TTN: variants seen among roughly 807,000 people sequenced by gnomAD.
TTN encodes the protein connectin.
In TTN, 1,525 loss-of-function variants were observed where a neutral mutation model predicts 3,223.0. The ratio of observed to expected loss-of-function variants is 0.47; its 90% CI spans 0.45 to 0.49. The LOEUF is 0.49. TTN is among the 20% of genes least tolerant of loss of function. The pLI is 0.00. For synonymous variants in TTN, 14,094 were observed against 15,161.0 expected, an observed-to-expected ratio of 0.93 and a Z score of 5.17; for missense variants, 40,786 against 43,424.0, an observed-to-expected ratio of 0.94 and a Z score of 5.40.
In TTN at chr2:178,548,603, G is replaced by C. The variant is rs1287048789; in HGVS notation, c.93023C>G (p.Thr31008Arg). Residue 31008 changes from threonine to arginine, a missense_variant, in exon 339 of 363, where the codon ACA becomes AGA. Coordinates refer to ENST00000589042, the MANE Select transcript of TTN (RefSeq NM_001267550.2). This position sits in a 1 kb window ranked among gnomAD's most constrained non-coding sequence, Gnocchi z 4.3. ...AGTGTCTAGCACTTTCACGGTGAAT[G>C]TGATTGACTTACTACCACTGTTGTT... is the stretch of plus-strand genomic sequence containing the variant. ...VENNSGSKSI[T>R]FTVKVLDTPG... 6.2e-7 allele frequency: 1 copy of C among 1,613,748 alleles called. No homozygotes were observed. Among genetic ancestry groups the C allele is most frequent in the Admixed American group, 1.7e-5 (1 of 59,980 alleles).
Position 178,576,123 on chromosome 2 carries a change from C to G in TTN, c.70009G>C (p.Glu23337Gln), listed in dbSNP as rs1709996308. Residue 23337 changes from glutamate (E) to glutamine (Q), a missense_variant, in exon 326 of 363, where the codon GAA becomes CAA. Physicochemically the swap from Glu to Gln is conservative, Grantham distance 29. Coordinates refer to ENST00000589042, the MANE Select transcript of TTN (RefSeq NM_001267550.2). The surrounding 1 kb of genome is among the most constrained non-coding windows in gnomAD (Gnocchi z 4.3). ...PAVIPDVEIV[E>Q]REMAPDFELD... Reference sequence around the variant, plus strand: ...TCAAAATCAGGAGCCATCTCCCGTTCTACGATTTCAACATCTGGAATCACC... The same window carrying G: ...TCAAAATCAGGAGCCATCTCCCGTTGTACGATTTCAACATCTGGAATCACC... The G allele has an allele frequency of 1.2e-6, 2 of 1,613,328 alleles. No homozygotes were observed. Among genetic ancestry groups the G allele is most frequent in the African/African-American group, 1.3e-5 (1 of 74,880 alleles).
Position 178,642,313 on chromosome 2 carries a change from A to G in TTN, c.40482T>C (p.Pro13494=), listed in dbSNP as rs2061346951. ...ATTTGCGAACTTTCTTTTCACCTCC[A>G]GGCACTTAAAAGAATATGATTTCAA... ...EKVELTPLKV[P]GGEKKVRKLL... The change falls in exon 219 of 363, where the codon CCT becomes CCC. Residue 13494 remains proline (P), a synonymous_variant. Transcript: ENST00000589042. 1.3e-6 allele frequency: 2 copies of G among 1,584,702 alleles called. No individual in the cohort carries two copies. Among genetic ancestry groups the G allele is most frequent in the African/African-American group, 1.3e-5 (1 of 74,372 alleles).
chr2:178,702,242 A>C lies in TTN; in HGVS notation c.30437T>G (p.Val10146Gly), dbSNP rs372185371. The C allele has an allele frequency of 6.2e-7, 1 of 1,613,838 alleles. No individual in the cohort carries two copies. The highest frequency in any genetic ancestry group is 1.3e-5 in the African/African-American group (1 of 74,908). ...CTCCAGCCGAGCGATGACCGAGTAGACACCTAGGGTGAAAAATCATCCAAC... is the reference window on the plus strand; with the variant it reads ...CTCCAGCCGAGCGATGACCGAGTAGCCACCTAGGGTGAAAAATCATCCAAC... ...IHNVTPDDEG[V>G]YSVIARLEPR... The change falls in exon 108 of 363, where the codon GTC becomes GGC. Residue 10146 changes from valine to glycine, a missense_variant. By Grantham distance (109) the Val-to-Gly change is moderately radical. Coordinates refer to ENST00000589042, the MANE Select transcript of TTN (RefSeq NM_001267550.2).
chr2:178,764,895 G>A lies in TTN; in HGVS notation c.9704-84C>T, dbSNP rs1409905035. 10 of 1,536,676 alleles carry A rather than the reference G, an allele frequency of 6.5e-6. No homozygotes were observed. The East Asian group carries it at 2.0e-4, about 31-fold the overall frequency. ...CAAAACTCTACATTAATTTGTTGCT[G>A]GCTAGTTATACATCCAGAGACAAAA... On this transcript the variant is annotated intron_variant, in intron 41 of 362. Coordinates refer to ENST00000589042, the MANE Select transcript of TTN (RefSeq NM_001267550.2).
chr2:178,576,187 T>A lies in TTN; in HGVS notation c.69945A>T (p.Arg23315Ser). The change falls in exon 326 of 363, where the codon AGA (arginine) becomes AGT (serine). Residue 23315 changes from arginine to serine, a missense_variant. By Grantham distance (110) the Arg-to-Ser change is moderately radical (BLOSUM62 -1). Transcript: ENST00000589042. The surrounding 1 kb of genome is among the most constrained non-coding windows in gnomAD (Gnocchi z 4.3). ...CACCTGCATCGTTGATGGCACTGATTCTGAAGTTGTATTTTTCTTTAGTCT... is the reference window on the plus strand; with the variant it reads ...CACCTGCATCGTTGATGGCACTGATACTGAAGTTGTATTTTTCTTTAGTCT... ...DLQTKEKYNF[R>S]ISAINDAGVG... is the part of the protein sequence containing the mutation. 1 of 1,613,050 alleles carries A rather than the reference T, an allele frequency of 6.2e-7. No individual in the cohort carries two copies. Among genetic ancestry groups the A allele is most frequent in the East Asian group, 2.2e-5 (1 of 44,758 alleles).
Position 178,600,837 on chromosome 2 carries a change from A to G in TTN, c.56050+17T>C, listed in dbSNP as rs2053220024. On this transcript the variant is annotated intron_variant, in intron 288 of 362. Coordinates refer to ENST00000589042, the MANE Select transcript of TTN (RefSeq NM_001267550.2). ...AGCTGTAAGGAGGACATTCTTTGTC[A>G]GTACATTGGTACTTACATGTCTGGT... The G allele has an allele frequency of 6.2e-7, 1 of 1,612,572 alleles. No homozygotes were observed. Among genetic ancestry groups the G allele is most frequent in the African/African-American group, 1.3e-5 (1 of 74,860 alleles).
chr2:178,617,265 CACAT>C (rs751351982), intron 254 of TTN, 31 bp from the exon 255 acceptor site: 58 of 1,538,498 alleles, frequency 3.8e-5, no homozygotes, highest in South Asian at 8.8e-5. Context: ...TTGTAAAAAA[CACAT>C]ACAGTTATGT....
rs1298037511 is a variant in TTN at position 178,672,206 on chromosome 2, T to C, written c.34992A>G (p.Glu11664=). The C allele has an allele frequency of 6.4e-7, 1 of 1,567,336 alleles. No homozygotes were observed. The highest frequency in any genetic ancestry group is 1.9e-5 in the Admixed American group (1 of 52,336). The change falls in exon 155 of 363, where the codon GAA becomes GAG. Residue 11664 remains glutamate (E), a synonymous_variant. Coordinates refer to ENST00000589042, the MANE Select transcript of TTN (RefSeq NM_001267550.2). The part of the protein sequence containing the change: ...VAFRQEVVVK[E]RLELEVVEAE... The stretch of plus-strand genomic sequence containing the variant: ...CTTCTACTACTTCTAATTCTAGTCT[T>C]TCTTTTACTACTACTTCTTGGCGGA...
chr2:178,764,787 T>C lies in TTN; in HGVS notation c.9728A>G (p.Gln3243Arg). ...CTGCACAGTGACAGGCTGGAGCTCC[T>C]GCAGAACTTGGGGCGGTTCAGGAGC... is the stretch of plus-strand genomic sequence containing the variant. ...VNAPEPPQVL[Q>R]ELQPVTVQSG... is the part of the protein sequence containing the mutation. The change falls in exon 42 of 363, where the codon CAG becomes CGG. Residue 3243 changes from glutamine (Q) to arginine (R), a missense_variant. Physicochemically the swap from Gln to Arg is conservative, Grantham distance 43. Transcript: ENST00000589042. 6.2e-7 allele frequency: 1 copy of C among 1,613,470 alleles called. No individual in the cohort carries two copies. The highest frequency in any genetic ancestry group is 8.5e-7 in the Non-Finnish European group (1 of 1,179,872).
chr2:178,678,434 A>G lies in TTN; in HGVS notation c.33890T>C (p.Val11297Ala). Reference protein sequence around the residue: ...KKVPVPAPKKVEAPPAKVPEV... With the variant: ...KKVPVPAPKKAEAPPAKVPEV... ...TGTACCTTTTGCAGGTGGAGCCTCCACTTTCTTAGGAGCAGGAACTGGCAC... is the reference window on the plus strand; with the variant it reads ...TGTACCTTTTGCAGGTGGAGCCTCCGCTTTCTTAGGAGCAGGAACTGGCAC... Residue 11297 changes from valine (V) to alanine (A), a missense_variant, in exon 144 of 363, where the codon GTG becomes GCG. Val to Ala is a moderately conservative substitution (Grantham distance 64). Coordinates refer to ENST00000589042, the MANE Select transcript of TTN (RefSeq NM_001267550.2). 1 of 1,593,466 alleles carries G rather than the reference A, an allele frequency of 6.3e-7. No individual in the cohort carries two copies. The highest frequency in any genetic ancestry group is 1.3e-5 in the African/African-American group (1 of 74,460).
Position 178,795,011 on chromosome 2 carries a change from C to T in TTN, c.1156G>A (p.Val386Met), listed in dbSNP as rs1419911512. The T allele has an allele frequency of 1.9e-6, 3 of 1,611,288 alleles. No individual in the cohort carries two copies. The highest frequency in any genetic ancestry group is 1.1e-5 in the South Asian group (1 of 91,092). Residue 386 changes from valine to methionine, a missense_variant, in exon 7 of 363, where the codon GTG becomes ATG. Physicochemically the swap from Val to Met is conservative, Grantham distance 21. Coordinates refer to ENST00000589042, the MANE Select transcript of TTN (RefSeq NM_001267550.2). Reference protein sequence around the residue: ...WEGRYGVQEQVTISGAAGAAA... With the variant: ...WEGRYGVQEQMTISGAAGAAA... ...GCACCCGCAGCACCACTGATGGTCA[C>T]TTGCTCCTGGACACCGTATCTCCCT...
chr2:178,634,273 A>G lies in TTN; in HGVS notation c.42415+93T>C. ...CACTGTGAAAGTTAATTAGTGATGC[A>G]TTATCACAGCTTTTAGAACTTGGCG... is the stretch of plus-strand genomic sequence containing the variant. On this transcript the variant is annotated intron_variant, in intron 230 of 362. Coordinates refer to ENST00000589042, the MANE Select transcript of TTN (RefSeq NM_001267550.2). This position sits in a 1 kb window ranked among gnomAD's most constrained non-coding sequence, Gnocchi z 4.6. 2 of 1,518,522 alleles carry G rather than the reference A, an allele frequency of 1.3e-6. No homozygotes were observed. The highest frequency in any genetic ancestry group is 1.8e-6 in the Non-Finnish European group (2 of 1,141,568). The allele number at this position is 1,518,522 out of a possible 1,614,324, so 94.1% of individuals were successfully genotyped here. A position where few individuals can be genotyped will look rare whatever the true frequency, so the allele number is the denominator to read the frequency against.
In TTN at chr2:178,679,459, C is replaced by T. The variant is rs757538873; in HGVS notation, c.33665-43G>A. 3.1e-6 allele frequency: 5 copies of T among 1,601,708 alleles called. No individual in the cohort carries two copies. The Admixed American group carries it at 5.1e-5, about 16-fold the overall frequency. Reference sequence around the variant, plus strand: ...ATTGTTAAGTTCTAACTACTAGTAACAACACATCCATATAAAACACAGCTA... The same window carrying T: ...ATTGTTAAGTTCTAACTACTAGTAATAACACATCCATATAAAACACAGCTA... On this transcript the variant is annotated intron_variant, in intron 141 of 362. Transcript: ENST00000589042.
chr2:178,714,194 G>T lies in TTN; in HGVS notation c.26483-19C>A. The T allele has an allele frequency of 6.3e-7, 1 of 1,597,190 alleles. No homozygotes were observed. The highest frequency in any genetic ancestry group is 8.5e-7 in the Non-Finnish European group (1 of 1,173,120). On this transcript the variant is annotated intron_variant, in intron 91 of 362. Transcript: ENST00000589042. ...GCAGGCTCTGGAATGAAATGTAAAAGATATCCATATTTTAAACTCAAATTG... is the reference window on the plus strand; with the variant it reads ...GCAGGCTCTGGAATGAAATGTAAAATATATCCATATTTTAAACTCAAATTG...
chr2:178,642,072 G>T (rs1415816125), intron 219 of TTN, among the ~76,000 whole-genome samples, 165 bp downstream of exon 219: 1 of 150,418 alleles, frequency 6.6e-6, no homozygotes, highest in Non-Finnish European at 1.5e-5. Flanking sequence ...TAAAAAAAAA[G>T]ATCTGGAAAT....
Position 178,551,169 on chromosome 2 carries a change from A to G in TTN, c.91362T>C (p.Ile30454=), listed in dbSNP as rs937886814. The G allele has an allele frequency of 1.2e-6, 2 of 1,613,514 alleles. No homozygotes were observed. The highest frequency in any genetic ancestry group is 4.5e-5 in the East Asian group (2 of 44,828). The change falls in exon 336 of 363, where the codon ATT becomes ATC. Residue 30454 remains isoleucine (I), a synonymous_variant. Transcript: ENST00000589042. ...NPPLRDGGSK[I]VGYSIEKRQG... The stretch of plus-strand genomic sequence containing the variant: ...GCCGTTTCTCAATGCTATAGCCCAC[A>G]ATCTTACTGCCTCCATCACGCAATG...
Position 178,770,100 on chromosome 2 carries a change from C to A in TTN, c.8601G>T (p.Val2867=), listed in dbSNP as rs750186553. Residue 2867 remains valine, a synonymous_variant, in exon 36 of 363, where the codon GTG becomes GTT. Transcript: ENST00000589042. ...TTGCTTTGCATTCCAATTGCCCGAC[C>A]ACAGCTGTGTATTCCCCAGCATCTG... ...SPSDAGEYTA[V]VGQLECKAKL... is the part of the protein sequence containing the mutation. The A allele has an allele frequency of 2.7e-5, 44 of 1,614,132 alleles. No individual in the cohort carries two copies. Among genetic ancestry groups the A allele is most frequent in the Non-Finnish European group, 3.6e-5 (42 of 1,180,018 alleles).
rs141407971 is a variant in TTN, at chr2:178,751,752, G to A, written c.11311+1372C>T. ...AAATCACTCTCAGCTTTTATAATCC[G>A]ACGAAGACCTGTTGGGATGGGCCGA... On this transcript the variant is annotated intron_variant, in intron 47 of 362. Transcript: ENST00000589042. 3.4e-4 allele frequency: 549 copies of A among 1,613,038 alleles called. 1 individual carries two copies. The African/African-American group carries it at 5.9e-3, about 17-fold the overall frequency.
rs755565775 is a variant in TTN, at chr2:178,782,873, C to T, written c.3033G>A (p.Gly1011=). The T allele has an allele frequency of 4.3e-6, 7 of 1,613,870 alleles. No homozygotes were observed. The South Asian group carries it at 5.5e-5, about 13-fold the overall frequency. Reference sequence around the variant, plus strand: ...CATTTACAGCACTGCAAGTAAATCGCCCGCTGTCTTCCGCAAATGCTTCGC... The same window carrying T: ...CATTTACAGCACTGCAAGTAAATCGTCCGCTGTCTTCCGCAAATGCTTCGC... ...MIREAFAEDS[G]RFTCSAVNEA... The change falls in exon 18 of 363, where the codon GGG becomes GGA. Residue 1011 remains glycine (G), a synonymous_variant. Coordinates refer to ENST00000589042, the MANE Select transcript of TTN (RefSeq NM_001267550.2).
Sources: allele counts gnomAD v4.1 joint callset (sites outside exome capture counted in the v4.1 genomes callset), GRCh38; gene constraint gnomAD v4.1.1; non-coding constraint Gnocchi (gnomAD v3.1); transcripts MANE v1.5; gene names NCBI Gene and HGNC (gene_info 2026-07-23, HGNC 2026-07-21).